The following SCN11A variants were observed in gnomAD, a reference collection of about 807,000 sequenced individuals.
SCN11A encodes the protein sodium voltage-gated channel alpha subunit 11, also known as sodium channel protein type 11 subunit alpha.
In SCN11A, 122 loss-of-function variants were observed where a neutral mutation model predicts 162.2. That is an observed-to-expected ratio of 0.75 (90% CI 0.65 to 0.87). SCN11A has a LOEUF of 0.87. Ranked by LOEUF, SCN11A falls within the 40% of genes least tolerant of loss-of-function variation. The probability of loss-of-function intolerance (pLI) is 0.00; values close to 1 mark genes in which losing one functional copy is unlikely to be tolerated. For synonymous variants in SCN11A, 758 were observed against 751.5 expected, an observed-to-expected ratio of 1.01 and a Z score of -0.14; for missense variants, 2,015 against 2,181.6, an observed-to-expected ratio of 0.92 and a Z score of 1.52.
chr3:38,861,954 C>T (rs1310708431), intron 28 of SCN11A, among the ~76,000 whole-genome samples: 1 of 152,178 alleles, frequency 6.6e-6, no homozygotes, highest in Non-Finnish European at 1.5e-5. Context: ...AAAGAGACAA[C>T]TCACCAGGTG....
chr3:38,944,263 T>C (rs539157032), intron 7 of SCN11A, among the ~76,000 whole-genome samples: 1 of 152,266 alleles, frequency 6.6e-6, no homozygotes, highest in Admixed American at 6.5e-5. Context: ...TGATACAAAC[T>C]TTTTGGAAAA....
chr3:39,026,585 G>A (rs571807938), intron 2 of SCN11A, among the ~76,000 whole-genome samples: 8 of 152,278 alleles, frequency 5.3e-5, no homozygotes, highest in African/African-American at 1.9e-4. Flanking sequence ...TTATTCAGGA[G>A]CTATTGCAAT....
intron 19 of SCN11A, 40 bp downstream of exon 19, chr3:38,894,493 G>C: frequency 1.3e-6 from 2 of 1,507,518 alleles, no homozygotes; most frequent in Non-Finnish European, 1.8e-6. Flanking sequence ...GATAACTCCA[G>C]CTTTGTATGA....
At chr3:38,943,322 G>A (rs1575321707) in intron 7 of SCN11A, among the ~76,000 whole-genome samples, 1 of 152,148 alleles carries the variant, frequency 6.6e-6, no homozygotes, top group South Asian at 2.1e-4. Context: ...GGTTGGGAGT[G>A]GGAATCGGGG....
intron 23 of SCN11A, among the ~76,000 whole-genome samples, chr3:38,876,150 A>C (rs4396821): frequency 0.49 from 74,918 of 151,886 alleles, 18,590 homozygotes; most frequent in African/African-American, 0.54. Flanking sequence ...GGATAACTGG[A>C]TAGCTACAGG....
chr3:39,003,514 T>C (rs2030878875), intron 2 of SCN11A, among the ~76,000 whole-genome samples: 3 of 152,258 alleles, frequency 2.0e-5, no homozygotes, highest in African/African-American at 7.2e-5. Context: ...GTCTTTATGG[T>C]AGAATGATTT....
At chr3:38,849,071 T>C (rs2064728316) in intron 29 of SCN11A, among the ~76,000 whole-genome samples, 1 of 152,184 alleles carries the variant, frequency 6.6e-6, no homozygotes, top group Non-Finnish European at 1.5e-5. Context: ...ATACAGCATG[T>C]ATAACTGCAA....
intron 1 of SCN11A, among the ~76,000 whole-genome samples, chr3:39,043,557 C>T (rs963749664): frequency 7.4e-5 from 11 of 149,218 alleles, no homozygotes; most frequent in East Asian, 5.8e-4. Context: ...TTATATTAAG[C>T]GAAATAAGCC....
Position 38,872,275 on chromosome 3 carries a change from A to G in SCN11A, c.3413T>C (p.Ile1138Thr). Reference sequence around the variant, plus strand: ...GAAGGACTTCAATTCCATTAAGTTAATGAGGGTGGTCACAGAGACCTGATG... The same window carrying G: ...GAAGGACTTCAATTCCATTAAGTTAGTGAGGGTGGTCACAGAGACCTGATG... ...IIVIVSVTTL[I>T]NLMELKSFRT... Residue 1138 changes from isoleucine (I) to threonine (T), a missense_variant, in exon 24 of 30, where the codon ATT becomes ACT. By Grantham distance (89) the Ile-to-Thr change is moderately conservative (BLOSUM62 -1). Coordinates refer to ENST00000302328, the MANE Select transcript of SCN11A (RefSeq NM_001349253.2). The G allele has an allele frequency of 1.2e-6, 2 of 1,604,690 alleles. No individual in the cohort carries two copies. The highest frequency in any genetic ancestry group is 2.7e-5 in the African/African-American group (2 of 74,800).
chr3:38,992,971 A>T (rs1366093567), intron 2 of SCN11A, among the ~76,000 whole-genome samples: 1 of 152,202 alleles, frequency 6.6e-6, no homozygotes, highest in Non-Finnish European at 1.5e-5. Context: ...GCTCAGTCCT[A>T]GGTCAGGTAC....
intron 7 of SCN11A, among the ~76,000 whole-genome samples, chr3:38,936,772 G>A (rs1197632229): frequency 2.0e-5 from 3 of 152,114 alleles, no homozygotes; most frequent in African/African-American, 7.2e-5. Flanking sequence ...GGAAGAATCA[G>A]TATCGTGAAA....
chr3:38,846,670 T>G lies in SCN11A; in HGVS notation c.*24A>C. On this transcript the variant is annotated 3_prime_UTR_variant, in exon 30 of 30. Coordinates refer to ENST00000302328, the MANE Select transcript of SCN11A (RefSeq NM_001349253.2). ...GGCTGAAGGCAAGGCTGTGAAGCTATGAGGTAGGCGTGGAGGTGAGGGCTC... is the reference window on the plus strand; with the variant it reads ...GGCTGAAGGCAAGGCTGTGAAGCTAGGAGGTAGGCGTGGAGGTGAGGGCTC... The G allele has an allele frequency of 1.3e-4, 206 of 1,593,652 alleles. No homozygotes were observed. The highest frequency in any genetic ancestry group is 1.6e-4 in the Non-Finnish European group (182 of 1,162,476).
At chr3:38,858,050 A>C (rs997845013) in intron 28 of SCN11A, among the ~76,000 whole-genome samples, 2 of 152,114 alleles carry the variant, frequency 1.3e-5, no homozygotes, top group Admixed American at 1.3e-4. Context: ...CAAAACAAAC[A>C]AACAAACAAA....
At chr3:38,996,849 G>C (rs1490571497) in intron 2 of SCN11A, among the ~76,000 whole-genome samples, 1 of 152,136 alleles carries the variant, frequency 6.6e-6, no homozygotes. Context: ...TGAGACGGGA[G>C]GATCACTTGA....
intron 10 of SCN11A, 101 bp from the exon 11 acceptor site, chr3:38,920,102 A>AT (rs1177978240): frequency 1.1e-6 from 1 of 875,374 alleles, no homozygotes; most frequent in Non-Finnish European, 1.8e-6. Context: ...ATGTTTCTAC[A>AT]TCTTCTAAAA....
At chr3:38,907,308 A>ATGTGTGTGTG (rs1395920809) in intron 14 of SCN11A, among the ~76,000 whole-genome samples, 2 of 33,876 alleles carry the variant, frequency 5.9e-5, no homozygotes, top group Admixed American at 4.8e-4. Context: ...ATACCAACAT[A>ATGTGTGTGTG]TATGTGTGTG....
chr3:38,953,575 A>T (rs73068591), intron 4 of SCN11A, among the ~76,000 whole-genome samples, 54 bp downstream of exon 4: 4,884 of 152,266 alleles, frequency 0.032, 113 homozygotes, highest in Middle Eastern at 0.075. Context: ...GAGTTAATAA[A>T]TAGCCTTGAC....
In SCN11A at chr3:38,984,262, G is replaced by T. The variant is rs528808695; in HGVS notation, c.-279-23839C>A. Among the ~76,000 whole-genome samples the T allele has an allele frequency of 1.7e-3, 266 of 152,344 alleles. 1 individual carries two copies. The highest frequency in any genetic ancestry group is 3.5e-3 in the South Asian group (17 of 4,818). On this transcript the variant is annotated intron_variant, in intron 2 of 29. Coordinates refer to ENST00000302328, the MANE Select transcript of SCN11A (RefSeq NM_001349253.2). ...GCCCTATTCATCTGGAGACCAACAT[G>T]TTCAGAGCTGCTAGTATCTGCCTCC...
At chr3:38,914,777 C>T (rs2065936121) in intron 11 of SCN11A, among the ~76,000 whole-genome samples, 1 of 152,006 alleles carries the variant, frequency 6.6e-6, no homozygotes, top group Non-Finnish European at 1.5e-5. Flanking sequence ...TGATGAATCA[C>T]ATTTATTGAT....
Sources: allele counts gnomAD v4.1 joint callset (sites outside exome capture counted in the v4.1 genomes callset), GRCh38; gene constraint gnomAD v4.1.1; transcripts MANE v1.5; gene names NCBI Gene and HGNC (gene_info 2026-07-23, HGNC 2026-07-21).